The following PAH variants were observed in gnomAD, a reference collection of about 807,000 sequenced individuals.
The protein encoded by PAH is phenylalanine hydroxylase.
A neutral mutation model predicts 62.0 loss-of-function variants in PAH; 64 were observed. The ratio of observed to expected loss-of-function variants is 1.03; its 90% confidence interval spans 0.84 to 1.27. The LOEUF (loss-of-function observed/expected upper bound fraction) is 1.27, where lower values mean the gene tolerates loss of function less well. Ranked by LOEUF, PAH falls within the 50% of genes most tolerant of loss-of-function variation. PAH has a pLI of 0.00. For synonymous variants in PAH, 195 were observed against 196.2 expected (o/e 0.99, Z 0.05); for missense variants, 579 against 542.8 (o/e 1.07, Z -0.66).
At chr12:102,886,230 G>A (rs1393592604) in intron 3 of PAH, 1 of 152,152 alleles carries the variant, frequency 6.6e-6, no homozygotes, top group Non-Finnish European at 1.5e-5. Context: ...TTAGGACAAA[G>A]CATCTGTTCT....
intron 4 of PAH, among the ~76,000 whole-genome samples, chr12:102,872,981 A>G (rs1876416093): frequency 6.6e-6 from 1 of 152,164 alleles, no homozygotes; most frequent in Non-Finnish European, 1.5e-5. Context: ...AAAACCATGT[A>G]GTTTCAAAGA....
At chr12:102,872,356 C>T (rs574642232) in intron 4 of PAH, among the ~76,000 whole-genome samples, 7 of 152,250 alleles carry the variant, frequency 4.6e-5, no homozygotes, top group Admixed American at 3.3e-4. Context: ...CTTGCTGGTT[C>T]CCTCAATAGT....
upstream of PAH, among the ~76,000 whole-genome samples, chr12:102,952,070 C>T (rs1410004784): frequency 1.3e-5 from 2 of 152,078 alleles, no homozygotes; most frequent in African/African-American, 2.4e-5. Flanking sequence ...CTTTTTCTTG[C>T]GGCTCAAAGA....
intron 4 of PAH, among the ~76,000 whole-genome samples, chr12:102,874,767 A>T (rs1876493452): frequency 6.6e-6 from 1 of 152,210 alleles, no homozygotes; most frequent in Non-Finnish European, 1.5e-5. Context: ...TCATTTTCCC[A>T]CTTAGCTAAA....
chr12:102,901,938 G>T (rs1877777028), intron 2 of PAH, among the ~76,000 whole-genome samples: 1 of 152,172 alleles, frequency 6.6e-6, no homozygotes, highest in Non-Finnish European at 1.5e-5. Flanking sequence ...GGAGCTTTAT[G>T]TTCTCAAAGG....
chr12:102,891,013 G>C (rs1019778041), intron 3 of PAH, among the ~76,000 whole-genome samples: 5 of 152,152 alleles, frequency 3.3e-5, no homozygotes, highest in Non-Finnish European at 7.4e-5. Context: ...GAACCCGAGA[G>C]GCGGAGGTTG....
chr12:102,892,744 A>G (rs974106058), intron 3 of PAH, among the ~76,000 whole-genome samples: 1 of 152,212 alleles, frequency 6.6e-6, no homozygotes, highest in Non-Finnish European at 1.5e-5. Context: ...AAGCAAAACT[A>G]TGGAGCTAGC....
At chr12:102,942,588 A>G (rs1879334076) in intron 1 of PAH, among the ~76,000 whole-genome samples, 1 of 152,164 alleles carries the variant, frequency 6.6e-6, no homozygotes, top group Non-Finnish European at 1.5e-5. Flanking sequence ...ATGAAACCAA[A>G]AAAGAACCTA....
Position 102,838,996 on chromosome 12 carries a change from T to G in PAH, c.*179A>C. The G allele has an allele frequency of 1.6e-6, 1 of 637,450 alleles. No individual in the cohort carries two copies. The highest frequency in any genetic ancestry group is 2.8e-6 in the Non-Finnish European group (1 of 358,094). The allele number at this position is 637,450 out of a possible 1,614,324, so 39.5% of individuals were successfully genotyped here. ...AGATTTACCATTATGCTCTTGAGTA[T>G]GTACTCATATCCTGTCATTTCAGAT... On this transcript the variant is annotated 3_prime_UTR_variant, in exon 13 of 13. Transcript: ENST00000553106.
At chr12:102,913,769 A>T in intron 1 of PAH, 1 of 699,164 alleles carries the variant, frequency 1.4e-6, no homozygotes, top group Non-Finnish European at 2.6e-6. Flanking sequence ...TCTTAAACTA[A>T]ATCTCAAAGA....
At chr12:102,952,876 C>CA (rs1486640739), upstream of PAH, among the ~76,000 whole-genome samples, 2 of 152,208 alleles carry the variant, frequency 1.3e-5, no homozygotes, top group Non-Finnish European at 1.5e-5. Flanking sequence ...TGAGCCAAGC[C>CA]AAATACATGG....
intron 3 of PAH, among the ~76,000 whole-genome samples, chr12:102,892,071 A>T (rs1877301378): frequency 6.6e-6 from 1 of 152,200 alleles, no homozygotes; most frequent in Non-Finnish European, 1.5e-5. Context: ...CCAGGGAGGA[A>T]TTCCAAGTGC....
chr12:102,842,980 A>C (rs560575597), intron 11 of PAH, among the ~76,000 whole-genome samples: 1 of 152,090 alleles, frequency 6.6e-6, no homozygotes, highest in Non-Finnish European at 1.5e-5. Flanking sequence ...GGAACTGTGC[A>C]CTCAGAGGGC....
Position 102,851,667 on chromosome 12 carries a change from C to A in PAH, c.912+20G>T. The A allele has an allele frequency of 3.1e-6, 5 of 1,610,288 alleles. No homozygotes were observed. Among genetic ancestry groups the A allele is most frequent in the Non-Finnish European group, 4.2e-6 (5 of 1,176,714 alleles). On this transcript the variant is annotated intron_variant, in intron 8 of 12. Coordinates refer to ENST00000553106, the MANE Select transcript of PAH (RefSeq NM_000277.3). Reference sequence around the variant, plus strand: ...AGGTCACAGACCTATAACTAGAAGGCTAAAAAATCCATTCCTTACCTGGGA... The same window carrying A: ...AGGTCACAGACCTATAACTAGAAGGATAAAAAATCCATTCCTTACCTGGGA...
intron 1 of PAH, among the ~76,000 whole-genome samples, chr12:102,922,378 G>A (rs1166765328): frequency 6.6e-6 from 1 of 151,944 alleles, no homozygotes; most frequent in African/African-American, 2.4e-5. Flanking sequence ...TATTTTAGTA[G>A]AGACAGTGTT....
At chr12:102,935,508 T>C (rs1879068948) in intron 1 of PAH, among the ~76,000 whole-genome samples, 1 of 152,146 alleles carries the variant, frequency 6.6e-6, no homozygotes, top group African/African-American at 2.4e-5. Context: ...AATTTAGCAA[T>C]GAAGCCATTG....
intron 2 of PAH, among the ~76,000 whole-genome samples, chr12:102,910,097 G>A (rs1280581408): frequency 6.6e-6 from 1 of 152,008 alleles, no homozygotes; most frequent in African/African-American, 2.4e-5. Flanking sequence ...ATAAAACTCA[G>A]GTTCTGTTGA....
At chr12:102,945,711 G>C (rs1210051706) in intron 1 of PAH, among the ~76,000 whole-genome samples, 1 of 152,186 alleles carries the variant, frequency 6.6e-6, no homozygotes, top group South Asian at 2.1e-4. Flanking sequence ...GCCCCCTCTG[G>C]CCCAGGGCAG....
intron 5 of PAH, among the ~76,000 whole-genome samples, chr12:102,866,100 C>G (rs866797800): frequency 8.1e-5 from 12 of 148,498 alleles, no homozygotes; most frequent in South Asian, 4.3e-4. Flanking sequence ...AAAAAACCAT[C>G]CTAAAATTGT....
Sources: allele counts gnomAD v4.1 joint callset (sites outside exome capture counted in the v4.1 genomes callset), GRCh38; gene constraint gnomAD v4.1.1; transcripts MANE v1.5; gene names NCBI Gene and HGNC (gene_info 2026-07-23, HGNC 2026-07-21).